Variants in DSCAM observed in about 807,000 individuals in gnomAD.
DSCAM encodes the protein DS cell adhesion molecule, also known as cell adhesion molecule DSCAM.
DSCAM carries 47 observed loss-of-function variants against 217.7 expected under a neutral mutation model. The ratio of observed to expected loss-of-function variants is 0.22; its 90% CI spans 0.17 to 0.28. The LOEUF (loss-of-function observed/expected upper bound fraction) is 0.28, where lower values mean the gene tolerates loss of function less well. DSCAM is among the 10% of genes least tolerant of loss of function. The pLI, the probability that DSCAM is intolerant of heterozygous loss-of-function variation, is 1.00. For synonymous variants in DSCAM, 1,056 were observed against 1,015.3 expected, an observed-to-expected ratio of 1.04 and a Z score of -0.76; for missense variants, 2,080 against 2,618.3, an observed-to-expected ratio of 0.79 and a Z score of 4.49.
chr21:40,045,929 A>G (rs757711484), intron 30 of DSCAM, among the ~76,000 whole-genome samples: 13 of 152,228 alleles, frequency 8.5e-5, no homozygotes, highest in Non-Finnish European at 1.9e-4. Flanking sequence ...TCCCTGACAT[A>G]CAGAGTTTTC....
intron 3 of DSCAM, chr21:40,383,901 T>C (rs994357675): frequency 6.6e-6 from 1 of 152,188 alleles, no homozygotes; most frequent in Admixed American, 6.5e-5. Flanking sequence ...AGATAGTTCA[T>C]GAATGACAAA....
chr21:40,277,804 G>C (rs1484078201), intron 10 of DSCAM, among the ~76,000 whole-genome samples: 1 of 150,670 alleles, frequency 6.6e-6, no homozygotes, highest in Non-Finnish European at 1.5e-5. Flanking sequence ...GGGAGGCAGA[G>C]GATGCAATGA....
At chr21:40,671,011 G>A (rs1374263514) in intron 3 of DSCAM, among the ~76,000 whole-genome samples, 3 of 152,112 alleles carry the variant, frequency 2.0e-5, no homozygotes, top group Non-Finnish European at 2.9e-5. Context: ...CTGAGGTAAA[G>A]GCAGGACCTA....
intron 1 of DSCAM, among the ~76,000 whole-genome samples, chr21:40,833,510 T>G (rs2092029193): frequency 1.3e-5 from 2 of 152,218 alleles, no homozygotes; most frequent in Non-Finnish European, 2.9e-5. Context: ...TTTAATCATC[T>G]GATCAAACAC....
At chr21:40,265,910 A>T (rs2073519811) in intron 11 of DSCAM, among the ~76,000 whole-genome samples, 1 of 152,200 alleles carries the variant, frequency 6.6e-6, no homozygotes, top group Admixed American at 6.5e-5. Flanking sequence ...AAAATTCTAG[A>T]AGAATCCCTA....
chr21:40,080,893 C>T (rs1376454674), intron 24 of DSCAM, among the ~76,000 whole-genome samples: 2 of 152,150 alleles, frequency 1.3e-5, no homozygotes, highest in Non-Finnish European at 2.9e-5. Flanking sequence ...TTGAAAAATT[C>T]CTCCAACAAT....
chr21:40,427,223 T>C (rs781465574), intron 3 of DSCAM, among the ~76,000 whole-genome samples: 4 of 152,174 alleles, frequency 2.6e-5, no homozygotes, highest in South Asian at 2.1e-4. Context: ...GGAATGGGGC[T>C]GTCTGTCCTA....
chr21:40,541,706 C>T (rs73214145), intron 3 of DSCAM, among the ~76,000 whole-genome samples: 10,485 of 152,128 alleles, frequency 0.069, 468 homozygotes, highest in Middle Eastern at 0.16. Context: ...GATGTCATTA[C>T]ATGTATTAAA....
intron 14 of DSCAM, among the ~76,000 whole-genome samples, chr21:40,182,557 G>A (rs1413050802): frequency 6.6e-6 from 1 of 151,212 alleles, no homozygotes; most frequent in Non-Finnish European, 1.5e-5. Context: ...ACCGTGGACA[G>A]GAGGGAGGTA....
At chr21:40,271,437 C>T (rs1218853045) in intron 11 of DSCAM, among the ~76,000 whole-genome samples, 6 of 152,146 alleles carry the variant, frequency 3.9e-5, no homozygotes, top group Non-Finnish European at 8.8e-5. Flanking sequence ...CCAGTGTTCC[C>T]GGAAACACGA....
At chr21:40,394,116 G>T (rs1007255896) in intron 3 of DSCAM, among the ~76,000 whole-genome samples, 1 of 152,172 alleles carries the variant, frequency 6.6e-6, no homozygotes, top group African/African-American at 2.4e-5. Context: ...TTGTTGGGTG[G>T]TTTAATGCAA....
chr21:40,622,334 G>C (rs2089532109), intron 3 of DSCAM, among the ~76,000 whole-genome samples: 1 of 152,080 alleles, frequency 6.6e-6, no homozygotes, highest in Non-Finnish European at 1.5e-5. Context: ...CTAGACTCTA[G>C]AGGTTATCAC....
chr21:40,132,951 T>C (rs1374814840), intron 19 of DSCAM, among the ~76,000 whole-genome samples: 4 of 152,144 alleles, frequency 2.6e-5, no homozygotes, highest in Admixed American at 6.5e-5. Context: ...CTGTACTGCT[T>C]GGGGAACAGA....
chr21:40,050,583 C>T (rs558470172), intron 30 of DSCAM, among the ~76,000 whole-genome samples: 6 of 152,078 alleles, frequency 3.9e-5, no homozygotes, highest in Admixed American at 2.0e-4. Context: ...CCCAGGTTCA[C>T]GCCATTCTCC....
At chr21:40,686,170 C>A (rs2090472272) in intron 3 of DSCAM, among the ~76,000 whole-genome samples, 1 of 139,416 alleles carries the variant, frequency 7.2e-6, no homozygotes, top group Non-Finnish European at 1.6e-5. Flanking sequence ...ATCACACACA[C>A]ACACATACAG....
chr21:40,096,223 C>G (rs78564079), intron 20 of DSCAM, among the ~76,000 whole-genome samples: 3,485 of 152,200 alleles, frequency 0.023, 143 homozygotes, highest in African/African-American at 0.078. Context: ...TCCTCACGAG[C>G]CCCCTCCCCA....
Position 40,144,354 on chromosome 21 carries a change from T to A in DSCAM, c.3259+137A>T. 7.1e-7 allele frequency: 1 copy of A among 1,406,494 alleles called. No individual in the cohort carries two copies. Among genetic ancestry groups the A allele is most frequent in the Non-Finnish European group, 9.6e-7 (1 of 1,037,440 alleles). The allele number at this position is 1,406,494 out of a possible 1,614,324, so 87.1% of individuals were successfully genotyped here. ...GGGCGAGGTCACGAGGGAAGGCTTT[T>A]CCACCCGAGACCCCAGGCCCTGCAG... is the stretch of plus-strand genomic sequence containing the variant. On this transcript the variant is annotated intron_variant, in intron 17 of 32. Transcript: ENST00000400454. The surrounding 1 kb of genome is among the most constrained non-coding windows in gnomAD (Gnocchi z 4.8).
intron 18 of DSCAM, among the ~76,000 whole-genome samples, chr21:40,141,562 G>C (rs935242384): frequency 6.6e-6 from 1 of 152,180 alleles, no homozygotes; most frequent in Admixed American, 6.5e-5. Flanking sequence ...GAGTTGCAGT[G>C]AGCTGAGATC....
chr21:40,020,720 A>T (rs1403253490), intron 32 of DSCAM, among the ~76,000 whole-genome samples: 2 of 152,124 alleles, frequency 1.3e-5, no homozygotes, highest in African/African-American at 4.8e-5. Context: ...CTGCTCACCT[A>T]CCTGCCCGCA....
Sources: allele counts gnomAD v4.1 joint callset (sites outside exome capture counted in the v4.1 genomes callset), GRCh38; gene constraint gnomAD v4.1.1; non-coding constraint Gnocchi (gnomAD v3.1); transcripts MANE v1.5; gene names NCBI Gene and HGNC (gene_info 2026-07-23, HGNC 2026-07-21).